The following DRICH1 variants were observed in gnomAD, a reference collection of about 807,000 sequenced individuals.
The protein encoded by DRICH1 is aspartate-rich protein 1.
A neutral mutation model predicts 39.5 loss-of-function variants in DRICH1; 38 were observed. The ratio of observed to expected loss-of-function variants is 0.96; its 90% CI spans 0.74 to 1.26. DRICH1 has a LOEUF of 1.26. Among genes scored for constraint, DRICH1 ranks in the 50% most tolerant of loss-of-function variants. The probability of loss-of-function intolerance (pLI) is 0.00; values close to 1 mark genes in which losing one functional copy is unlikely to be tolerated. For missense variants in DRICH1, 279 were observed against 270.4 expected, an observed-to-expected ratio of 1.03 and a Z score of -0.22; for synonymous variants, 84 against 99.5, an observed-to-expected ratio of 0.84 and a Z score of 0.93.
In DRICH1 at chr22:23,608,604, T is replaced by C; in HGVS notation, c.*160A>G. ...TACAGGCCAAACCTAGTGCTGGCGGTGGGTGGGAAGCAGCCTTGGACTTTT... is the reference window on the plus strand; with the variant it reads ...TACAGGCCAAACCTAGTGCTGGCGGCGGGTGGGAAGCAGCCTTGGACTTTT... On this transcript the variant is annotated 3_prime_UTR_variant, in exon 12 of 12. Transcript: ENST00000317749. 1.4e-6 allele frequency: 1 copy of C among 711,426 alleles called. No homozygotes were observed. The highest frequency in any genetic ancestry group is 1.8e-5 in the African/African-American group (1 of 57,074). The allele number at this position is 711,426 out of a possible 1,614,324, so 44.1% of individuals were successfully genotyped here.
At chr22:23,611,363 C>G (rs989098905) in intron 11 of DRICH1, among the ~76,000 whole-genome samples, 3 of 151,758 alleles carry the variant, frequency 2.0e-5, no homozygotes, top group Non-Finnish European at 4.4e-5. Flanking sequence ...GCCCACATAC[C>G]CAATTTATGG....
At chr22:23,613,434 C>T in intron 10 of DRICH1, 104 bp from the exon 11 acceptor site, 2 of 1,001,124 alleles carry the variant, frequency 2.0e-6, no homozygotes, top group Non-Finnish European at 3.2e-6. Context: ...TCTCCCACTC[C>T]ATGCTGCTTC....
the DRICH1 span, among the ~76,000 whole-genome samples, chr22:23,594,214 A>G: frequency 6.6e-6 from 1 of 152,244 alleles, no homozygotes; most frequent in African/African-American, 2.4e-5. Context: ...ATCCACACCA[A>G]GACACATTAT....
intron 1 of DRICH1, among the ~76,000 whole-genome samples, chr22:23,630,325 G>A (rs964422772): frequency 1.2e-4 from 19 of 152,172 alleles, no homozygotes; most frequent in African/African-American, 4.3e-4. Context: ...GTTGAGTAAT[G>A]CAGACCATCA....
chr22:23,595,933 G>T, the DRICH1 span, among the ~76,000 whole-genome samples: 1 of 152,180 alleles, frequency 6.6e-6, no homozygotes, highest in African/African-American at 2.4e-5. Flanking sequence ...CATCATTGCT[G>T]GCCAGGGGAC....
the DRICH1 span, among the ~76,000 whole-genome samples, chr22:23,591,258 C>A: frequency 6.6e-6 from 1 of 152,136 alleles, no homozygotes; most frequent in Non-Finnish European, 1.5e-5. Flanking sequence ...GGGTCCTCCT[C>A]CCCCAGTTCA....
chr22:23,593,585 G>T, the DRICH1 span, among the ~76,000 whole-genome samples: 1 of 152,332 alleles, frequency 6.6e-6, no homozygotes, highest in African/African-American at 2.4e-5. Flanking sequence ...CGAATCACAA[G>T]GTCAAGAGAT....
intron 3 of DRICH1, among the ~76,000 whole-genome samples, chr22:23,622,920 A>G (rs1382269791): frequency 6.6e-6 from 1 of 152,106 alleles, no homozygotes; most frequent in Non-Finnish European, 1.5e-5. Context: ...GACTCTGAAC[A>G]CTTTCTGCCA....
chr22:23,605,048 C>A (rs1333914945), downstream of DRICH1, among the ~76,000 whole-genome samples: 1 of 152,178 alleles, frequency 6.6e-6, no homozygotes, highest in Admixed American at 6.5e-5. Flanking sequence ...CGGGTCGCCT[C>A]ACCACTCTGG....
intron 11 of DRICH1, among the ~76,000 whole-genome samples, chr22:23,611,135 C>T (rs1927012068): frequency 6.6e-6 from 1 of 152,124 alleles, no homozygotes; most frequent in Non-Finnish European, 1.5e-5. Flanking sequence ...GTTGTGGAAG[C>T]AAATTTCATT....
chr22:23,617,433 T>C, intron 7 of DRICH1, 142 bp downstream of exon 7: 5 of 960,430 alleles, frequency 5.2e-6, no homozygotes, highest in Non-Finnish European at 8.2e-6. Flanking sequence ...CAATGCCTGC[T>C]TGTTGGGCCC....
the DRICH1 span, among the ~76,000 whole-genome samples, chr22:23,592,400 G>T: frequency 6.5e-4 from 99 of 152,250 alleles, no homozygotes; most frequent in African/African-American, 2.2e-3. Context: ...ACTGGGGGGG[G>T]GCGGTCCATG....
chr22:23,608,456 T>C lies in DRICH1; in HGVS notation c.*308A>G. The C allele has an allele frequency of 2.2e-6, 1 of 459,900 alleles. No homozygotes were observed. Among genetic ancestry groups the C allele is most frequent in the East Asian group, 3.3e-5 (1 of 30,648 alleles). 28.5% of individuals were successfully genotyped at this position (459,900 alleles called of 1,614,324 possible). On this transcript the variant is annotated 3_prime_UTR_variant, in exon 12 of 12. Transcript: ENST00000317749. ...TCAGCCACCTCTGCACCTGAATAAATGCACTCAGTCTCTTTATTTCAAGTG... is the reference window on the plus strand; with the variant it reads ...TCAGCCACCTCTGCACCTGAATAAACGCACTCAGTCTCTTTATTTCAAGTG...
chr22:23,617,954 A>G (rs1272181621), intron 6 of DRICH1, among the ~76,000 whole-genome samples: 2 of 152,210 alleles, frequency 1.3e-5, no homozygotes, highest in Admixed American at 6.5e-5. Flanking sequence ...TCTTCTAAAC[A>G]AACAGTATTT....
the DRICH1 span, among the ~76,000 whole-genome samples, chr22:23,599,026 G>C: frequency 0.026 from 3,888 of 152,312 alleles, 82 homozygotes; most frequent in Non-Finnish European, 0.042. Flanking sequence ...CCAAGATCCT[G>C]ACCATGGGCC....
At chr22:23,597,519 G>A in the DRICH1 span, among the ~76,000 whole-genome samples, 2 of 143,696 alleles carry the variant, frequency 1.4e-5, no homozygotes, top group Non-Finnish European at 3.1e-5. Flanking sequence ...AAAAAAAAAA[G>A]GAAAAAAGAA....
At chr22:23,603,721 C>A (rs1007932035), downstream of DRICH1, among the ~76,000 whole-genome samples, 10 of 152,166 alleles carry the variant, frequency 6.6e-5, no homozygotes, top group Non-Finnish European at 1.2e-4. Flanking sequence ...GGGGGACCCC[C>A]TCCCCCTTTA....
At chr22:23,590,694 G>A in the DRICH1 span, among the ~76,000 whole-genome samples, 1 of 151,990 alleles carries the variant, frequency 6.6e-6, no homozygotes, top group Non-Finnish European at 1.5e-5. Flanking sequence ...TGCCTCCCAG[G>A]TTCAAGTGAT....
At chr22:23,597,538 T>C in the DRICH1 span, among the ~76,000 whole-genome samples, 2 of 148,342 alleles carry the variant, frequency 1.3e-5, no homozygotes, top group Non-Finnish European at 3.0e-5. Flanking sequence ...AAAAGAAAAG[T>C]ACATAAATAC....
Sources: allele counts gnomAD v4.1 joint callset (sites outside exome capture counted in the v4.1 genomes callset), GRCh38; gene constraint gnomAD v4.1.1; transcripts MANE v1.5; gene names NCBI Gene and HGNC (gene_info 2026-07-23, HGNC 2026-07-21).